The following PDZRN4 variants were observed in gnomAD, a reference collection of about 807,000 sequenced individuals.
PDZRN4 encodes PDZ domain-containing RING finger protein 4.
In PDZRN4, 70 loss-of-function variants were observed where a neutral mutation model predicts 99.0. The ratio of observed to expected loss-of-function variants is 0.71; its 90% CI spans 0.58 to 0.86. PDZRN4 has a LOEUF of 0.86. Among genes scored for constraint, PDZRN4 ranks in the 40% least tolerant of loss-of-function variants. The pLI, the probability that PDZRN4 is intolerant of heterozygous loss-of-function variation, is 0.00. For missense variants in PDZRN4, 1,474 were observed against 1,331.2 expected, an observed-to-expected ratio of 1.11 and a Z score of -1.67; for synonymous variants, 551 against 501.6, an observed-to-expected ratio of 1.10 and a Z score of -1.32.
chr12:41,562,112 G>A (rs1274650962), intron 7 of PDZRN4, among the ~76,000 whole-genome samples: 4 of 152,134 alleles, frequency 2.6e-5, no homozygotes, highest in African/African-American at 4.8e-5. Flanking sequence ...AATAGGGAAT[G>A]CATGTGAAAC....
chr12:41,497,096 T>C (rs1322193705), intron 3 of PDZRN4, among the ~76,000 whole-genome samples: 2 of 152,158 alleles, frequency 1.3e-5, no homozygotes, highest in South Asian at 2.1e-4. Flanking sequence ...CTAGTGTGGC[T>C]AAGTTGCAAG....
chr12:41,503,525 T>G (rs536422560), intron 3 of PDZRN4, among the ~76,000 whole-genome samples: 1 of 152,322 alleles, frequency 6.6e-6, no homozygotes, highest in Non-Finnish European at 1.5e-5. Flanking sequence ...GATTTTTATA[T>G]TTCCTCAGAA....
intron 3 of PDZRN4, among the ~76,000 whole-genome samples, chr12:41,501,145 C>T (rs1267373719): frequency 6.6e-5 from 10 of 152,054 alleles, no homozygotes; most frequent in South Asian, 4.1e-4. Context: ...TCTTTTATGG[C>T]GCCTTCTTAA....
chr12:41,224,810 G>A (rs542840044), intron 3 of PDZRN4, among the ~76,000 whole-genome samples: 1 of 152,194 alleles, frequency 6.6e-6, no homozygotes, highest in African/African-American at 2.4e-5. Flanking sequence ...TATTCCAATT[G>A]CACAGATGAG....
intron 3 of PDZRN4, among the ~76,000 whole-genome samples, chr12:41,400,303 C>A (rs546212992): frequency 3.9e-5 from 6 of 152,212 alleles, no homozygotes; most frequent in South Asian, 2.1e-4. Flanking sequence ...AGGCTAATAT[C>A]AGCAAAATTT....
At chr12:41,247,193 A>G (rs1162748962) in intron 3 of PDZRN4, among the ~76,000 whole-genome samples, 1 of 152,174 alleles carries the variant, frequency 6.6e-6, no homozygotes, top group African/African-American at 2.4e-5. Context: ...ATGTTTAGAG[A>G]GTATGGAGGA....
chr12:41,451,510 A>G (rs923792178), intron 3 of PDZRN4, among the ~76,000 whole-genome samples: 22 of 152,232 alleles, frequency 1.4e-4, no homozygotes, highest in African/African-American at 5.1e-4. Context: ...AGTCTCTTGA[A>G]AGCAAAGTAA....
chr12:41,563,131 T>G (rs990342650), intron 7 of PDZRN4, among the ~76,000 whole-genome samples: 18 of 152,198 alleles, frequency 1.2e-4, no homozygotes, highest in Non-Finnish European at 2.2e-4. Context: ...TGCAGCTCTC[T>G]AATTGGCTCG....
intron 3 of PDZRN4, among the ~76,000 whole-genome samples, chr12:41,428,251 TAAG>T (rs1440829191): frequency 1.3e-5 from 2 of 152,182 alleles, no homozygotes; most frequent in Non-Finnish European, 2.9e-5. Flanking sequence ...CTAGAATATC[TAAG>T]AAGGATGATC....
chr12:41,377,934 A>T (rs576140943), intron 3 of PDZRN4, among the ~76,000 whole-genome samples: 1 of 152,258 alleles, frequency 6.6e-6, no homozygotes, highest in South Asian at 2.1e-4. Flanking sequence ...GCAAATAGAG[A>T]TAATATAATT....
At chr12:41,249,962 T>C (rs1951157414) in intron 3 of PDZRN4, among the ~76,000 whole-genome samples, 1 of 152,212 alleles carries the variant, frequency 6.6e-6, no homozygotes. Flanking sequence ...ACGCACACTT[T>C]TCTCCAGGAA....
chr12:41,226,208 CTCCAACATGAGG>C (rs1204158292), intron 3 of PDZRN4, among the ~76,000 whole-genome samples: 1 of 152,018 alleles, frequency 6.6e-6, no homozygotes, highest in Non-Finnish European at 1.5e-5. Flanking sequence ...CATGGCTTTG[CTCCAACATGAGG>C]TCCGTGGTGA....
chr12:41,498,779 T>G (rs1358662278), intron 3 of PDZRN4, among the ~76,000 whole-genome samples: 1 of 152,128 alleles, frequency 6.6e-6, no homozygotes, highest in Non-Finnish European at 1.5e-5. Flanking sequence ...TTCTATGATC[T>G]CAATAAAAGT....
At chr12:41,419,469 A>G in intron 3 of PDZRN4, among the ~76,000 whole-genome samples, 1 of 152,160 alleles carries the variant, frequency 6.6e-6, no homozygotes, top group East Asian at 1.9e-4. Context: ...CTCATCAAAT[A>G]ACATTAATTT....
At chr12:41,344,651 G>T (rs10467086) in intron 3 of PDZRN4, among the ~76,000 whole-genome samples, 57,915 of 150,730 alleles carry the variant, frequency 0.38, 11,207 homozygotes, top group African/African-American at 0.41. Context: ...CCTACATTGC[G>T]GTTGCAGTGA....
At chr12:41,540,398 G>A (rs919939273) in intron 5 of PDZRN4, among the ~76,000 whole-genome samples, 2 of 152,128 alleles carry the variant, frequency 1.3e-5, no homozygotes, top group Admixed American at 6.5e-5. Flanking sequence ...GAATGTCTGA[G>A]CATTGGGTAT....
chr12:41,419,766 A>T (rs1375974054), intron 3 of PDZRN4, among the ~76,000 whole-genome samples: 1 of 152,162 alleles, frequency 6.6e-6, no homozygotes, highest in Non-Finnish European at 1.5e-5. Flanking sequence ...ATCGGTTCAA[A>T]TTGTAATTTT....
intron 3 of PDZRN4, among the ~76,000 whole-genome samples, chr12:41,478,309 T>C (rs879383014): frequency 1.3e-5 from 2 of 151,958 alleles, no homozygotes; most frequent in African/African-American, 2.4e-5. Context: ...AAAGACGAGG[T>C]TTCAGCATGT....
At position 41,341,502 on chromosome 12, in the gene PDZRN4, A is replaced by G. The variant is rs533401947; in HGVS notation, c.843+147314A>G. Reference sequence around the variant, plus strand: ...GGACTATTACATGAATCCAGTAGTTATAAGAAACAAAATCAACATATAAAA... The same window carrying G: ...GGACTATTACATGAATCCAGTAGTTGTAAGAAACAAAATCAACATATAAAA... On this transcript the variant is annotated intron_variant, in intron 3 of 9. Coordinates refer to ENST00000402685, the MANE Select transcript of PDZRN4 (RefSeq NM_001164595.2). 5.3e-5 allele frequency among the ~76,000 whole-genome samples: 8 copies of G among 152,050 alleles called. No individual in the cohort carries two copies. The East Asian group carries it at 9.7e-4, about 18-fold the overall frequency.
Sources: gnomAD v4.1 joint callset for allele counts (sites outside exome capture counted in the v4.1 genomes callset) on GRCh38, gnomAD v4.1.1 for gene constraint, MANE v1.5 for transcripts, NCBI Gene and HGNC (gene_info 2026-07-23, HGNC 2026-07-21) for gene names.